DAAM1: variants seen among roughly 807,000 people sequenced by gnomAD.
The protein encoded by DAAM1 is dishevelled associated activator of morphogenesis 1.
Under a neutral mutation model 130.0 loss-of-function variants are expected in DAAM1, and 52 were observed. The ratio of observed to expected loss-of-function variants is 0.40; its 90% CI spans 0.32 to 0.50. DAAM1 has a LOEUF of 0.50. DAAM1 is among the 20% of genes least tolerant of loss of function. The pLI is 0.61. For missense variants in DAAM1, 1,134 were observed against 1,303.8 expected (o/e 0.87, Z 2.01); for synonymous variants, 452 against 444.5 (o/e 1.02, Z -0.21).
chr14:59,274,940 A>G (rs1882892746), intron 2 of DAAM1, among the ~76,000 whole-genome samples: 1 of 152,238 alleles, frequency 6.6e-6, no homozygotes, highest in Non-Finnish European at 1.5e-5. Context: ...TCTGTACTGT[A>G]TATTACGTGG....
intron 16 of DAAM1, among the ~76,000 whole-genome samples, chr14:59,343,916 G>A (rs1438776775): frequency 6.6e-6 from 1 of 152,174 alleles, no homozygotes; most frequent in African/African-American, 2.4e-5. Context: ...AGTAGAATGG[G>A]CACGTCTTAG....
intron 1 of DAAM1, among the ~76,000 whole-genome samples, chr14:59,202,700 C>G (rs1250726660): frequency 1.3e-5 from 2 of 152,152 alleles, no homozygotes; most frequent in African/African-American, 4.8e-5. Context: ...AAGAGTTTCC[C>G]CAATGAAATG....
chr14:59,246,493 A>G (rs1413773293), intron 1 of DAAM1, among the ~76,000 whole-genome samples: 1 of 152,198 alleles, frequency 6.6e-6, no homozygotes, highest in Non-Finnish European at 1.5e-5. Flanking sequence ...TGCTATTGTG[A>G]ATAATGCTGT....
intron 1 of DAAM1, among the ~76,000 whole-genome samples, chr14:59,246,742 C>G (rs1046454417): frequency 2.6e-5 from 4 of 152,094 alleles, no homozygotes; most frequent in African/African-American, 9.7e-5. Flanking sequence ...TGATAGTAGT[C>G]ATCTTAATGG....
intron 15 of DAAM1, among the ~76,000 whole-genome samples, chr14:59,339,046 A>G (rs1165442931): frequency 1.3e-5 from 2 of 152,236 alleles, no homozygotes; most frequent in Non-Finnish European, 2.9e-5. Context: ...ATAATGTTAG[A>G]TGTTCTCCAT....
intron 2 of DAAM1, among the ~76,000 whole-genome samples, chr14:59,267,282 A>G (rs922218093): frequency 1.3e-5 from 2 of 152,192 alleles, no homozygotes; most frequent in Non-Finnish European, 2.9e-5. Flanking sequence ...GATACCAAGT[A>G]GATTTCTTTC....
chr14:59,240,499 G>A (rs1881061591), intron 1 of DAAM1, among the ~76,000 whole-genome samples: 1 of 152,058 alleles, frequency 6.6e-6, no homozygotes, highest in South Asian at 2.1e-4. Context: ...AGTTCAAGGG[G>A]TATTTGACTG....
chr14:59,316,901 C>A (rs1042284395), intron 4 of DAAM1, among the ~76,000 whole-genome samples: 2 of 152,168 alleles, frequency 1.3e-5, no homozygotes, highest in South Asian at 4.1e-4. Context: ...ATGGATTTTT[C>A]CTTTCTTCAA....
chr14:59,275,577 T>C (rs1215338928), intron 2 of DAAM1, among the ~76,000 whole-genome samples: 1 of 152,186 alleles, frequency 6.6e-6, no homozygotes, highest in Non-Finnish European at 1.5e-5. Flanking sequence ...CGGAAAACTG[T>C]TGGTGATGCA....
At chr14:59,216,591 T>C (rs1299397654) in intron 1 of DAAM1, among the ~76,000 whole-genome samples, 1 of 152,072 alleles carries the variant, frequency 6.6e-6, no homozygotes, top group Non-Finnish European at 1.5e-5. Flanking sequence ...CGTGGTGGCA[T>C]GTGCCTGTAA....
At chr14:59,312,418 A>T (rs1166026999) in intron 3 of DAAM1, among the ~76,000 whole-genome samples, 1 of 152,234 alleles carries the variant, frequency 6.6e-6, no homozygotes, top group African/African-American at 2.4e-5. Flanking sequence ...AAACTGAGTC[A>T]CAAAGAGGTT....
chr14:59,216,487 G>A (rs759181119), intron 1 of DAAM1, among the ~76,000 whole-genome samples: 3 of 152,268 alleles, frequency 2.0e-5, no homozygotes, highest in South Asian at 2.1e-4. Context: ...TTGGGAGGCC[G>A]AGGCAGGTGA....
At chr14:59,228,425 C>A (rs1889007871) in intron 1 of DAAM1, among the ~76,000 whole-genome samples, 1 of 152,102 alleles carries the variant, frequency 6.6e-6, no homozygotes, top group Non-Finnish European at 1.5e-5. Flanking sequence ...AGAAAAAAAA[C>A]TAAAGGAAGG....
intron 15 of DAAM1, among the ~76,000 whole-genome samples, chr14:59,335,578 T>C (rs1048612255): frequency 6.6e-6 from 1 of 152,188 alleles, no homozygotes; most frequent in Non-Finnish European, 1.5e-5. Context: ...GGAAATGAGC[T>C]AAAGGCACTA....
At chr14:59,365,743 A>C (rs1322550931) in intron 23 of DAAM1, among the ~76,000 whole-genome samples, 1 of 152,228 alleles carries the variant, frequency 6.6e-6, no homozygotes, top group Non-Finnish European at 1.5e-5. Flanking sequence ...CTGCATAAAC[A>C]CAGCATGGTC....
At chr14:59,361,742 T>G (rs1322534703) in intron 22 of DAAM1, among the ~76,000 whole-genome samples, 1 of 151,966 alleles carries the variant, frequency 6.6e-6, no homozygotes, top group Non-Finnish European at 1.5e-5. Context: ...GCTGGCAGAG[T>G]AGCGTCCCTG....
intron 15 of DAAM1, among the ~76,000 whole-genome samples, chr14:59,334,391 T>C (rs1367609697): frequency 6.6e-6 from 1 of 152,184 alleles, no homozygotes; most frequent in African/African-American, 2.4e-5. Flanking sequence ...CTGCTCTCTT[T>C]TCTACTCGCA....
At chr14:59,190,883 G>A (rs1370615733) in intron 1 of DAAM1, among the ~76,000 whole-genome samples, 1 of 152,158 alleles carries the variant, frequency 6.6e-6, no homozygotes, top group African/African-American at 2.4e-5. Context: ...AGGTTATATG[G>A]ACAAGGCAGC....
At chr14:59,314,745 A>G (rs1294606095) in intron 3 of DAAM1, among the ~76,000 whole-genome samples, 1 of 152,200 alleles carries the variant, frequency 6.6e-6, no homozygotes, top group Admixed American at 6.5e-5. Flanking sequence ...ACTACCTTCC[A>G]TTCAATGTCA....
Sources: allele counts gnomAD v4.1 joint callset (sites outside exome capture counted in the v4.1 genomes callset), GRCh38; gene constraint gnomAD v4.1.1; transcripts MANE v1.5; gene names NCBI Gene and HGNC (gene_info 2026-07-23, HGNC 2026-07-21).